Variants in PTPN13 observed in about 807,000 individuals in gnomAD.
PTPN13 encodes the protein tyrosine-protein phosphatase non-receptor type 13.
PTPN13 carries 191 observed loss-of-function variants against 284.0 expected under a neutral mutation model. The ratio of observed to expected loss-of-function variants is 0.67; its 90% CI spans 0.60 to 0.76. PTPN13 has a LOEUF of 0.76. Ranked by LOEUF, PTPN13 falls within the 30% of genes least tolerant of loss-of-function variation. PTPN13 has a pLI of 0.00. For synonymous variants in PTPN13, 986 were observed against 1,022.3 expected (o/e 0.96, Z 0.68); for missense variants, 2,797 against 2,939.9 (o/e 0.95, Z 1.12).
At position 86,807,630 on chromosome 4, in the gene PTPN13, T is replaced by C; in HGVS notation, c.6816T>C (p.Val2272=). Residue 2272 remains valine (V), a synonymous_variant, in exon 45 of 48, where the codon GTT becomes GTC. Transcript: ENST00000411767. ...YINASFIKIP[V]GKEEFVYIAC... ...ATGCCAGCTTCATTAAGATACCAGT[T>C]GGGAAAGAAGAGTTCGTTTACATTG... 1 of 1,613,970 alleles carries C rather than the reference T, an allele frequency of 6.2e-7. No homozygotes were observed. Among genetic ancestry groups the C allele is most frequent in the Non-Finnish European group, 8.5e-7 (1 of 1,179,874 alleles).
chr4:86,787,993 A>G (rs1742182176), intron 40 of PTPN13, among the ~76,000 whole-genome samples: 1 of 152,182 alleles, frequency 6.6e-6, no homozygotes, highest in Non-Finnish European at 1.5e-5. Context: ...CATTGAGAAT[A>G]CATTTTGGGC....
At chr4:86,674,480 G>A (rs1415008243) in intron 3 of PTPN13, among the ~76,000 whole-genome samples, 2 of 152,164 alleles carry the variant, frequency 1.3e-5, no homozygotes, top group Non-Finnish European at 2.9e-5. Context: ...ATGAGTGTGT[G>A]TGTGGTGACT....
intron 2 of PTPN13, among the ~76,000 whole-genome samples, chr4:86,661,946 A>G (rs765425832): frequency 1.3e-5 from 2 of 152,240 alleles, no homozygotes; most frequent in African/African-American, 4.8e-5. Context: ...GCAGAGATGG[A>G]AGAAAAAAGA....
At chr4:86,682,598 C>T (rs1729016723) in intron 3 of PTPN13, among the ~76,000 whole-genome samples, 1 of 152,050 alleles carries the variant, frequency 6.6e-6, no homozygotes, top group South Asian at 2.1e-4. Flanking sequence ...ATAATCCTTC[C>T]TGTGCGTGAC....
intron 1 of PTPN13, among the ~76,000 whole-genome samples, chr4:86,610,215 A>AT (rs1284353736): frequency 9.2e-5 from 14 of 152,082 alleles, no homozygotes; most frequent in Admixed American, 3.3e-4. Context: ...CATCTCAAAA[A>AT]TAAAATAAAA....
At chr4:86,641,969 A>G (rs536822423) in intron 2 of PTPN13, among the ~76,000 whole-genome samples, 20 of 152,304 alleles carry the variant, frequency 1.3e-4, no homozygotes, top group African/African-American at 4.6e-4. Context: ...GGGATAGTCA[A>G]AACTTCCCAC....
intron 2 of PTPN13, among the ~76,000 whole-genome samples, chr4:86,647,607 G>T (rs1162854809): frequency 6.6e-6 from 1 of 152,024 alleles, no homozygotes; most frequent in Non-Finnish European, 1.5e-5. Flanking sequence ...GCAATGTTAT[G>T]GGATTGTGTT....
At chr4:86,650,660 G>A (rs2148804188) in intron 2 of PTPN13, among the ~76,000 whole-genome samples, 1 of 152,152 alleles carries the variant, frequency 6.6e-6, no homozygotes, top group Non-Finnish European at 1.5e-5. Context: ...TTATTCCTAG[G>A]TATTTTATTT....
intron 1 of PTPN13, among the ~76,000 whole-genome samples, chr4:86,608,372 C>G (rs1259939890): frequency 6.6e-6 from 1 of 151,938 alleles, no homozygotes; most frequent in Non-Finnish European, 1.5e-5. Context: ...GATTCTAATG[C>G]TTTATGTTAT....
At chr4:86,611,261 C>T (rs1719859119) in intron 1 of PTPN13, among the ~76,000 whole-genome samples, 1 of 152,228 alleles carries the variant, frequency 6.6e-6, no homozygotes. Flanking sequence ...CATAGCATTA[C>T]AATTCCTTAC....
intron 7 of PTPN13, among the ~76,000 whole-genome samples, chr4:86,704,140 C>T (rs144823990): frequency 9.4e-4 from 143 of 152,210 alleles, no homozygotes; most frequent in Middle Eastern, 6.8e-3. Context: ...ACCGAGATCG[C>T]GCCATTGCAC....
At chr4:86,716,767 T>A in intron 8 of PTPN13, 142 bp downstream of exon 8, 1 of 698,630 alleles carries the variant, frequency 1.4e-6, no homozygotes, top group Admixed American at 3.2e-5. Flanking sequence ...TGCTGGTTAC[T>A]CAGTAGTAGT....
rs372300329 is a variant in PTPN13 at position 86,750,499 on chromosome 4, C to T, written c.2680C>T (p.Gln894Ter). The T allele has an allele frequency of 6.2e-7, 1 of 1,613,430 alleles. No individual in the cohort carries two copies. The highest frequency in any genetic ancestry group is 8.5e-7 in the Non-Finnish European group (1 of 1,179,670). Residue 894 changes from glutamine to a stop codon, truncating the protein, a stop_gained, in exon 18 of 48, where the codon CAA becomes TAA. Transcript: ENST00000411767. LOFTEE classifies it high-confidence loss of function. ...AGCTTCGTTTAGGAGCCTGAATCTC[C>T]AAGCAGAGTCTGTTAGAGGATTTAA... The part of the protein sequence containing the change: ...ERASFRSLNL[Q>*]AESVRGFNMG...
intron 24 of PTPN13, among the ~76,000 whole-genome samples, chr4:86,763,765 A>G (rs1342886976): frequency 6.6e-6 from 1 of 152,202 alleles, no homozygotes; most frequent in East Asian, 1.9e-4. Flanking sequence ...TTAAAAAATT[A>G]TCCAGGCAAG....
In PTPN13 at chr4:86,767,854, C is replaced by A. The variant is rs1352393341; in HGVS notation, c.4367C>A (p.Thr1456Lys). 6.3e-7 allele frequency: 1 copy of A among 1,599,956 alleles called. No homozygotes were observed. Among genetic ancestry groups the A allele is most frequent in the Admixed American group, 1.7e-5 (1 of 58,134 alleles). Residue 1456 changes from threonine (T) to lysine (K), a missense_variant, in exon 28 of 48, where the codon ACA (threonine) becomes AAA (lysine). Coordinates refer to ENST00000411767, the MANE Select transcript of PTPN13 (RefSeq NM_080683.3). ...TTATTAGAAAAGGGACAATCTCCAACATCTAAAGAACATGTCCCGGTAACC... is the reference window on the plus strand; with the variant it reads ...TTATTAGAAAAGGGACAATCTCCAAAATCTAAAGAACATGTCCCGGTAACC... The part of the protein sequence containing the change: ...HLLLEKGQSP[T>K]SKEHVPVTPQ...
At chr4:86,718,637 G>A (rs1733296443) in intron 9 of PTPN13, among the ~76,000 whole-genome samples, 1 of 152,022 alleles carries the variant, frequency 6.6e-6, no homozygotes, top group South Asian at 2.1e-4. Flanking sequence ...ATTCAGTAGA[G>A]GTGGGGTTTC....
intron 1 of PTPN13, among the ~76,000 whole-genome samples, chr4:86,596,202 GGTTA>G (rs1160759274): frequency 6.6e-6 from 1 of 152,178 alleles, no homozygotes; most frequent in Non-Finnish European, 1.5e-5. Flanking sequence ...AAATATTTGA[GGTTA>G]GTTGTTAAGA....
At chr4:86,673,589 A>G (rs1727950477) in intron 3 of PTPN13, among the ~76,000 whole-genome samples, 1 of 152,168 alleles carries the variant, frequency 6.6e-6, no homozygotes, top group Non-Finnish European at 1.5e-5. Context: ...GGCAGTGGGG[A>G]TCTATCATAT....
At chr4:86,735,035 T>G (rs777528596) in intron 14 of PTPN13, among the ~76,000 whole-genome samples, 160 bp downstream of exon 14, 37 of 152,132 alleles carry the variant, frequency 2.4e-4, no homozygotes, top group Non-Finnish European at 4.1e-4. Context: ...GTATATCAAT[T>G]ATATAAAATC....
Sources: allele counts gnomAD v4.1 joint callset (sites outside exome capture counted in the v4.1 genomes callset), GRCh38; gene constraint gnomAD v4.1.1; transcripts MANE v1.5; gene names NCBI Gene and HGNC (gene_info 2026-07-23, HGNC 2026-07-21).